The following SYCP2 variants were observed in gnomAD, a reference collection of about 807,000 sequenced individuals.
SYCP2 encodes the protein synaptonemal complex protein 2.
In SYCP2, 55 loss-of-function variants were observed where a neutral mutation model predicts 211.3. That is an observed-to-expected ratio of 0.26 (90% CI 0.21 to 0.33). The LOEUF is 0.33. Among genes scored for constraint, SYCP2 ranks in the 10% least tolerant of loss-of-function variants. SYCP2 has a pLI of 1.00. For missense variants in SYCP2, 1,731 were observed against 1,752.0 expected, an observed-to-expected ratio of 0.99 and a Z score of 0.21; for synonymous variants, 570 against 555.2, an observed-to-expected ratio of 1.03 and a Z score of -0.37.
intron 29 of SYCP2, 100 bp downstream of exon 29, chr20:59,881,337 T>G: frequency 1.5e-6 from 1 of 675,640 alleles, no homozygotes. Context: ...ACTAGCATTT[T>G]TATTCACTCT....
intron 15 of SYCP2, among the ~76,000 whole-genome samples, chr20:59,902,410 T>TAC (rs1390178466): frequency 6.6e-6 from 1 of 151,960 alleles, no homozygotes; most frequent in Non-Finnish European, 1.5e-5. Context: ...ACCAAAAAAT[T>TAC]ACCTGGCCCC....
chr20:59,874,183 A>C, intron 34 of SYCP2, 122 bp from the exon 35 acceptor site: 1 of 530,490 alleles, frequency 1.9e-6, no homozygotes, highest in East Asian at 3.2e-5. Context: ...CTTAGCTATA[A>C]AAAAGGATAG....
At chr20:59,923,212 A>G (rs561753576) in intron 2 of SYCP2, among the ~76,000 whole-genome samples, 3 of 152,130 alleles carry the variant, frequency 2.0e-5, no homozygotes, top group Admixed American at 2.0e-4. Flanking sequence ...TGTGTTTCTG[A>G]CAAAGATCAA....
intron 24 of SYCP2, among the ~76,000 whole-genome samples, chr20:59,891,545 A>C (rs571321234): frequency 6.0e-4 from 92 of 152,104 alleles, no homozygotes; most frequent in African/African-American, 2.2e-3. Flanking sequence ...GCATTCATCC[A>C]AAAAATGTTT....
chr20:59,907,519 C>A (rs2060235047), intron 14 of SYCP2, 95 bp from the exon 15 acceptor site: 4 of 997,614 alleles, frequency 4.0e-6, no homozygotes, highest in Admixed American at 2.3e-5. Context: ...ACTATGAATT[C>A]TTTTTGCTAG....
chr20:59,869,527 T>G (rs1158918504), intron 36 of SYCP2, among the ~76,000 whole-genome samples: 3 of 151,778 alleles, frequency 2.0e-5, no homozygotes, highest in Non-Finnish European at 4.4e-5. Flanking sequence ...AACCAGAAAG[T>G]GCCTATTGTA....
At chr20:59,870,454 T>C (rs2059429861) in intron 35 of SYCP2, among the ~76,000 whole-genome samples, 1 of 151,760 alleles carries the variant, frequency 6.6e-6, no homozygotes, top group Non-Finnish European at 1.5e-5. Flanking sequence ...TTTTTTTTAA[T>C]ACAGCAAAAA....
At chr20:59,901,866 T>C (rs1365417939) in intron 15 of SYCP2, 56 bp from the exon 16 acceptor site, 1 of 1,327,476 alleles carries the variant, frequency 7.5e-7, no homozygotes, top group Non-Finnish European at 1.0e-6. Context: ...TCTGCAAGTA[T>C]ACTATAAATA....
At chr20:59,897,330 A>T (rs1415290661) in intron 18 of SYCP2, among the ~76,000 whole-genome samples, 1 of 152,206 alleles carries the variant, frequency 6.6e-6, no homozygotes, top group Admixed American at 6.5e-5. Flanking sequence ...ATTAACTAGA[A>T]AACAAGCTTC....
At chr20:59,902,806 CAA>C (rs1454350169) in intron 15 of SYCP2, among the ~76,000 whole-genome samples, 1 of 152,104 alleles carries the variant, frequency 6.6e-6, no homozygotes, top group Non-Finnish European at 1.5e-5. Context: ...GTTTCAAACT[CAA>C]AGAGCGCTAG....
intron 4 of SYCP2, among the ~76,000 whole-genome samples, chr20:59,920,741 C>A (rs2060526029): frequency 1.3e-5 from 2 of 151,526 alleles, no homozygotes; most frequent in South Asian, 4.1e-4. Flanking sequence ...TACTATGATA[C>A]AATGAATCAG....
At chr20:59,905,709 T>C (rs553920216) in intron 15 of SYCP2, among the ~76,000 whole-genome samples, 3 of 152,290 alleles carry the variant, frequency 2.0e-5, no homozygotes, top group East Asian at 3.9e-4. Flanking sequence ...TGAAGAGTTA[T>C]CAACGTCCTT....
intron 20 of SYCP2, among the ~76,000 whole-genome samples, chr20:59,893,948 C>T (rs1005961189): frequency 1.3e-5 from 2 of 151,892 alleles, no homozygotes; most frequent in Non-Finnish European, 2.9e-5. Flanking sequence ...TTGATATGGT[C>T]CATTCTTTCT....
chr20:59,867,966 A>C, intron 38 of SYCP2, 119 bp from the exon 39 acceptor site: 1 of 685,986 alleles, frequency 1.5e-6, no homozygotes, highest in Admixed American at 3.5e-5. Flanking sequence ...CCTAAGGATT[A>C]TGAAATCAAA....
At chr20:59,921,280 A>T in intron 4 of SYCP2, 30 bp downstream of exon 4, 1 of 1,558,816 alleles carries the variant, frequency 6.4e-7, no homozygotes, top group East Asian at 2.3e-5. Context: ...TAATAATTGT[A>T]ACAATCATTC....
At position 59,893,445 on chromosome 20, in the gene SYCP2, G is replaced by A; in HGVS notation, c.1735+79C>T. ...ATCTTTTTCAAATCAATGAAAGCCA[G>A]TGGGGTTAAATGGTAATACAGGGAG... On this transcript the variant is annotated intron_variant, in intron 21 of 44. Transcript: ENST00000357552. 6.5e-6 allele frequency: 6 copies of A among 919,488 alleles called. No homozygotes were observed. The South Asian group carries it at 9.8e-5, about 15-fold the overall frequency. The allele number at this position is 919,488 out of a possible 1,614,324, so 57.0% of individuals were successfully genotyped here.
In SYCP2 at chr20:59,922,372, T is replaced by C; in HGVS notation, c.24+18A>G. ...TTTTCAGAATGAAAATACTTACTTTTGGTCTAGGACTACATACCTGGAGAT... is the reference window on the plus strand; with the variant it reads ...TTTTCAGAATGAAAATACTTACTTTCGGTCTAGGACTACATACCTGGAGAT... On this transcript the variant is annotated intron_variant, in intron 3 of 44. Coordinates refer to ENST00000357552, the MANE Select transcript of SYCP2 (RefSeq NM_014258.4). The C allele has an allele frequency of 6.4e-7, 1 of 1,567,878 alleles. No individual in the cohort carries two copies. Among genetic ancestry groups the C allele is most frequent in the Non-Finnish European group, 8.6e-7 (1 of 1,164,104 alleles).
chr20:59,901,615 T>C (rs774862083), intron 16 of SYCP2, 47 bp downstream of exon 16: 3 of 1,172,738 alleles, frequency 2.6e-6, no homozygotes. Context: ...CCAAACTGTT[T>C]CCAGAATTAT....
chr20:59,920,410 T>A lies in SYCP2; in HGVS notation c.246A>T (p.Val82=). Reference sequence around the variant, plus strand: ...TCGTTAGAAGTCCAGCTTGCCCCAATACACTGATATTTTTGCCACATCTTC... The same window carrying A: ...TCGTTAGAAGTCCAGCTTGCCCCAAAACACTGATATTTTTGCCACATCTTC... ...SVGRCGKNIS[V]LGQAGLLTMI... is the part of the protein sequence containing the mutation. Residue 82 remains valine (V), a synonymous_variant, in exon 5 of 45, where the codon GTA becomes GTT. Coordinates refer to ENST00000357552, the MANE Select transcript of SYCP2 (RefSeq NM_014258.4). 6.2e-7 allele frequency: 1 copy of A among 1,610,304 alleles called. No individual in the cohort carries two copies. The highest frequency in any genetic ancestry group is 1.3e-5 in the African/African-American group (1 of 74,890).
Sources: gnomAD v4.1 joint callset for allele counts (sites outside exome capture counted in the v4.1 genomes callset) on GRCh38, gnomAD v4.1.1 for gene constraint, MANE v1.5 for transcripts, NCBI Gene and HGNC (gene_info 2026-07-23, HGNC 2026-07-21) for gene names.